The following CSMD1 variants were observed in gnomAD, a reference collection of about 807,000 sequenced individuals.
The protein encoded by CSMD1 is CUB and Sushi multiple domains 1, also known as CUB and sushi domain-containing protein 1.
In CSMD1, 213 loss-of-function variants were observed where a neutral mutation model predicts 417.5. That is an observed-to-expected ratio of 0.51 (90% CI 0.46 to 0.57). The LOEUF is 0.57. Ranked by LOEUF, CSMD1 falls within the 20% of genes least tolerant of loss-of-function variation. The pLI is 0.00. For synonymous variants in CSMD1, 2,862 were observed against 1,736.8 expected, an observed-to-expected ratio of 1.65 and a Z score of -16.11; for missense variants, 6,923 against 4,529.7, an observed-to-expected ratio of 1.53 and a Z score of -15.17.
At chr8:3,334,841 T>C (rs1807147282) in intron 23 of CSMD1, among the ~76,000 whole-genome samples, 1 of 152,208 alleles carries the variant, frequency 6.6e-6, no homozygotes, top group South Asian at 2.1e-4. Context: ...AGTCTGCAGA[T>C]CCACACTGCA....
intron 5 of CSMD1, among the ~76,000 whole-genome samples, chr8:3,811,758 G>A (rs1407211882): frequency 6.6e-6 from 1 of 152,056 alleles, no homozygotes; most frequent in Non-Finnish European, 1.5e-5. Context: ...AACCTCCATG[G>A]ACAATAGCTG....
rs1225275334 is a variant in CSMD1 at position 2,973,126 on chromosome 8, C to A, written c.8914G>T (p.Val2972Leu). The change falls in exon 57 of 70, where the codon GTG becomes TTG. Residue 2972 changes from valine (V) to leucine (L), a missense_variant. Physicochemically the swap from Val to Leu is conservative, Grantham distance 32. Coordinates refer to ENST00000635120, the MANE Select transcript of CSMD1 (RefSeq NM_033225.6). ...LNGSWSGLQP[V>L]CEAVSCGNPG... ...GCTTCTGGCTACTCACCCTCACACA[C>A]CGGCTGCAGTCCTGACCATGACCCA... The A allele has an allele frequency of 1.9e-6, 3 of 1,613,406 alleles. No individual in the cohort carries two copies. In the African/African-American group the frequency reaches 4.0e-5, roughly 22 times the overall value.
At chr8:3,731,104 G>A (rs1186039076) in intron 6 of CSMD1, among the ~76,000 whole-genome samples, 2 of 151,854 alleles carry the variant, frequency 1.3e-5, no homozygotes, top group African/African-American at 4.8e-5. Flanking sequence ...GTTTATTGTC[G>A]AGCACACCCC....
chr8:3,380,860 C>T (rs549738077), intron 18 of CSMD1, among the ~76,000 whole-genome samples: 11 of 151,470 alleles, frequency 7.3e-5, no homozygotes, highest in Admixed American at 2.6e-4. Flanking sequence ...CTGCACGATC[C>T]GCACATGTGT....
intron 3 of CSMD1, among the ~76,000 whole-genome samples, chr8:4,328,574 A>T (rs1478001551): frequency 6.6e-6 from 1 of 152,128 alleles, no homozygotes; most frequent in East Asian, 1.9e-4. Context: ...ACAATTTAAA[A>T]AAATGAAAAA....
At chr8:4,101,500 C>CTGCAGTCA (rs1019301687) in intron 3 of CSMD1, among the ~76,000 whole-genome samples, 187 of 152,282 alleles carry the variant, frequency 1.2e-3, no homozygotes, top group African/African-American at 4.2e-3. Context: ...CTCAGTCACC[C>CTGCAGTCA]TGCAGTCACC....
At chr8:4,056,329 C>A (rs562947120) in intron 3 of CSMD1, among the ~76,000 whole-genome samples, 2 of 151,438 alleles carry the variant, frequency 1.3e-5, no homozygotes, top group African/African-American at 4.8e-5. Flanking sequence ...GTGATCCACC[C>A]GCGTCAGCCT....
chr8:4,462,540 A>C (rs1443213944), intron 2 of CSMD1, among the ~76,000 whole-genome samples: 1 of 152,254 alleles, frequency 6.6e-6, no homozygotes, highest in South Asian at 2.1e-4. Flanking sequence ...TACTCAAAAC[A>C]ATCTTTAAAA....
chr8:4,065,930 T>C lies in CSMD1; in HGVS notation c.416-33831A>G, dbSNP rs762074442. ...AAAGTGGCCCAGGGAAAAATGAGAGTTAGAGAAAACTGACAAATCATTGAT... is the reference window on the plus strand; with the variant it reads ...AAAGTGGCCCAGGGAAAAATGAGAGCTAGAGAAAACTGACAAATCATTGAT... On this transcript the variant is annotated intron_variant, in intron 3 of 69. Coordinates refer to ENST00000635120, the MANE Select transcript of CSMD1 (RefSeq NM_033225.6). 2.0e-5 allele frequency among the ~76,000 whole-genome samples: 3 copies of C among 152,130 alleles called. No homozygotes were observed. In the South Asian group the frequency reaches 6.2e-4, roughly 32 times the overall value.
At position 3,870,695 on chromosome 8, in the gene CSMD1, C is replaced by T. The variant is rs533639554; in HGVS notation, c.819-116653G>A. 2.1e-3 allele frequency among the ~76,000 whole-genome samples: 314 copies of T among 152,198 alleles called. 2 individuals are homozygous for T. Among genetic ancestry groups the T allele is most frequent in the African/African-American group, 7.3e-3 (305 of 41,530 alleles). ...ATATTAGAGGGATGTTAAGTATTATCTGATTTATATTCATTTATATATTCT... is the reference window on the plus strand; with the variant it reads ...ATATTAGAGGGATGTTAAGTATTATTTGATTTATATTCATTTATATATTCT... On this transcript the variant is annotated intron_variant, in intron 5 of 69. Coordinates refer to ENST00000635120, the MANE Select transcript of CSMD1 (RefSeq NM_033225.6).
At chr8:3,400,967 A>C (rs1812004899) in intron 15 of CSMD1, among the ~76,000 whole-genome samples, 2 of 148,042 alleles carry the variant, frequency 1.4e-5, no homozygotes, top group Non-Finnish European at 3.0e-5. Flanking sequence ...CCAAAATTAT[A>C]CTTATTAATA....
At chr8:4,411,748 C>A (rs1214452202) in intron 3 of CSMD1, among the ~76,000 whole-genome samples, 2 of 152,180 alleles carry the variant, frequency 1.3e-5, no homozygotes, top group Non-Finnish European at 2.9e-5. Flanking sequence ...TAGACGTTCA[C>A]ATACCTATCC....
chr8:4,201,451 T>G (rs1468649176), intron 3 of CSMD1, among the ~76,000 whole-genome samples: 1 of 139,298 alleles, frequency 7.2e-6, no homozygotes, highest in Admixed American at 8.0e-5. Flanking sequence ...GGCAGGAGAA[T>G]GGCATGAACA....
chr8:3,735,824 A>T (rs6558817), intron 6 of CSMD1, among the ~76,000 whole-genome samples: 20,329 of 152,254 alleles, frequency 0.13, 1,508 homozygotes, highest in African/African-American at 0.19. Context: ...ATCAGTATTC[A>T]TTTTGAAAAT....
intron 2 of CSMD1, among the ~76,000 whole-genome samples, chr8:4,506,571 C>A (rs560518195): frequency 2.6e-5 from 4 of 152,078 alleles, no homozygotes. Flanking sequence ...AAATATTACA[C>A]GGAGAGGAAG....
intron 7 of CSMD1, among the ~76,000 whole-genome samples, chr8:3,633,710 A>G: frequency 6.6e-6 from 1 of 152,212 alleles, no homozygotes; most frequent in East Asian, 1.9e-4. Flanking sequence ...TGATCCTTCA[A>G]TTAAAAATGG....
At chr8:3,639,688 G>C (rs1196318163) in intron 7 of CSMD1, among the ~76,000 whole-genome samples, 1 of 152,064 alleles carries the variant, frequency 6.6e-6, no homozygotes, top group Non-Finnish European at 1.5e-5. Context: ...TAAACCCTAA[G>C]GCACTACGTA....
In CSMD1 at chr8:4,423,276, A is replaced by G. The variant is rs148795475; in HGVS notation, c.303-3211T>C. Among the ~76,000 whole-genome samples the G allele has an allele frequency of 9.8e-3, 1,498 of 152,216 alleles. 25 individuals are homozygous for G. Among genetic ancestry groups the G allele is most frequent in the African/African-American group, 0.034 (1,428 of 41,566 alleles). ...GATAGGAATAAATAAAATTACTACT[A>G]TTTGAAGTTGGCATGATGATCTTTA... On this transcript the variant is annotated intron_variant, in intron 2 of 69. Coordinates refer to ENST00000635120, the MANE Select transcript of CSMD1 (RefSeq NM_033225.6).
chr8:4,486,763 G>A (rs970976086), intron 2 of CSMD1, among the ~76,000 whole-genome samples: 1 of 152,124 alleles, frequency 6.6e-6, no homozygotes, highest in African/African-American at 2.4e-5. Context: ...CTGATACGAA[G>A]AACCTGAGTG....
Sources: gnomAD v4.1 joint callset for allele counts (sites outside exome capture counted in the v4.1 genomes callset) on GRCh38, gnomAD v4.1.1 for gene constraint, MANE v1.5 for transcripts, NCBI Gene and HGNC (gene_info 2026-07-23, HGNC 2026-07-21) for gene names.